Variants in ELP4 observed in about 807,000 individuals in gnomAD.
ELP4 encodes the protein elongator acetyltransferase complex subunit 4.
Under a neutral mutation model 48.9 loss-of-function variants are expected in ELP4, and 51 were observed. The observed-to-expected ratio is 1.04, with a 90% CI of 0.83 to 1.32. The LOEUF (loss-of-function observed/expected upper bound fraction) is 1.32. Ranked by LOEUF, ELP4 falls within the 40% of genes most tolerant of loss-of-function variation. The pLI, the probability that ELP4 is intolerant of heterozygous loss-of-function variation, is 0.00. For missense variants in ELP4, 519 were observed against 514.6 expected, an observed-to-expected ratio of 1.01 and a Z score of -0.08; for synonymous variants, 210 against 189.2, an observed-to-expected ratio of 1.11 and a Z score of -0.90.
intron 3 of ELP4, among the ~76,000 whole-genome samples, chr11:31,583,373 G>C (rs1236815738): frequency 6.6e-6 from 1 of 152,100 alleles, no homozygotes; most frequent in Admixed American, 6.5e-5. Flanking sequence ...GTTTGTTGTA[G>C]CATTTTTGGA....
At chr11:31,523,570 C>A (rs1380797658) in intron 2 of ELP4, among the ~76,000 whole-genome samples, 2 of 151,950 alleles carry the variant, frequency 1.3e-5, no homozygotes, top group East Asian at 3.9e-4. Context: ...GCCAGAAAAA[C>A]CTAAAATAAG....
rs573764649 is a variant in ELP4, at chr11:31,546,336, G to T, written c.381+6553G>T. On this transcript the variant is annotated intron_variant, in intron 3 of 9. Coordinates refer to ENST00000640961, the MANE Select transcript of ELP4 (RefSeq NM_019040.5). Reference sequence around the variant, plus strand: ...CAAAAAAAGGCAGGGGTTGCAATCCGAGTCTCTGATAAAACAGACTTTAAA... The same window carrying T: ...CAAAAAAAGGCAGGGGTTGCAATCCTAGTCTCTGATAAAACAGACTTTAAA... 2.4e-3 allele frequency among the ~76,000 whole-genome samples: 372 copies of T among 152,070 alleles called. 3 individuals carry two copies. The highest frequency in any genetic ancestry group is 7.4e-3 in the African/African-American group (307 of 41,490).
intron 7 of ELP4, among the ~76,000 whole-genome samples, chr11:31,644,896 ATT>A (rs1945170824): frequency 6.6e-6 from 1 of 151,772 alleles, no homozygotes; most frequent in African/African-American, 2.4e-5. Context: ...AAAAATAAAC[ATT>A]TTCTCAGTCA....
intron 9 of ELP4, among the ~76,000 whole-genome samples, chr11:31,679,669 C>T (rs889972813): frequency 6.6e-6 from 1 of 152,142 alleles, no homozygotes; most frequent in Admixed American, 6.5e-5. Context: ...TGCGTAAGGG[C>T]TTTACCATAT....
intron 9 of ELP4, among the ~76,000 whole-genome samples, chr11:31,658,442 G>C (rs1420273235): frequency 6.6e-6 from 1 of 150,980 alleles, no homozygotes; most frequent in African/African-American, 2.4e-5. Context: ...TAGTAATATG[G>C]TAGGTTTTTA....
chr11:31,681,930 G>T, intron 9 of ELP4: 1 of 407,106 alleles, frequency 2.5e-6, no homozygotes, highest in Non-Finnish European at 4.3e-6. Context: ...TAGTAGAGAT[G>T]GGGTTCCACC....
chr11:31,546,658 C>T (rs1956725875), intron 3 of ELP4, among the ~76,000 whole-genome samples: 1 of 152,112 alleles, frequency 6.6e-6, no homozygotes, highest in South Asian at 2.1e-4. Context: ...ACAGAACTCT[C>T]CACCCCAAAT....
chr11:31,600,164 A>G (rs1445316680), intron 4 of ELP4: 1 of 152,158 alleles, frequency 6.6e-6, no homozygotes, highest in Non-Finnish European at 1.5e-5. Context: ...AAAGCATAAA[A>G]CAGTGCTTCA....
chr11:31,545,018 A>G (rs577390660), intron 3 of ELP4, among the ~76,000 whole-genome samples: 17 of 152,268 alleles, frequency 1.1e-4, no homozygotes, highest in African/African-American at 3.9e-4. Context: ...ACAATCATCA[A>G]AGACCAAAAG....
At chr11:31,610,966 T>A (rs1371989359) in intron 5 of ELP4, among the ~76,000 whole-genome samples, 1 of 152,228 alleles carries the variant, frequency 6.6e-6, no homozygotes, top group Admixed American at 6.5e-5. Flanking sequence ...TCTATTAGCA[T>A]GTCCTGTCAA....
At position 31,786,264 on chromosome 11, in the gene ELP4, G is replaced by A. The variant is rs149777109; in HGVS notation, c.*2740G>A. The stretch of plus-strand genomic sequence containing the variant: ...ATAGGCATACAAAAGGAGAGTGGGG[G>A]GACCCCCCTATTCATTTGTTTAAGC... On this transcript the variant is annotated 3_prime_UTR_variant, in exon 10 of 10. Coordinates refer to ENST00000640961, the MANE Select transcript of ELP4 (RefSeq NM_019040.5). The A allele has an allele frequency of 3.6e-3, 762 of 209,994 alleles. 4 individuals are homozygous for A. Among genetic ancestry groups the A allele is most frequent in the Non-Finnish European group, 5.4e-3 (561 of 103,224 alleles). The allele number at this position is 209,994 out of a possible 1,614,324, so 13.0% of individuals were successfully genotyped here.
chr11:31,771,841 T>A (rs954200077), intron 9 of ELP4, among the ~76,000 whole-genome samples: 10 of 152,032 alleles, frequency 6.6e-5, no homozygotes, highest in Admixed American at 5.9e-4. Flanking sequence ...TAGCCGGGCG[T>A]GGTGGCGGCA....
chr11:31,677,309 G>A (rs1037932904), intron 9 of ELP4, among the ~76,000 whole-genome samples: 3 of 152,164 alleles, frequency 2.0e-5, no homozygotes, highest in African/African-American at 7.2e-5. Context: ...CAAGGTCCAG[G>A]GTGGGTGAGA....
chr11:31,649,002 A>T (rs1397867860), intron 8 of ELP4: 1 of 151,726 alleles, frequency 6.6e-6, no homozygotes, highest in Non-Finnish European at 1.5e-5. Flanking sequence ...TAATAAATAT[A>T]TTTTACTAAA....
chr11:31,718,902 T>C (rs751473448), intron 9 of ELP4, among the ~76,000 whole-genome samples: 1 of 152,146 alleles, frequency 6.6e-6, no homozygotes, highest in Admixed American at 6.6e-5. Flanking sequence ...GACACTTAAT[T>C]GTGGAGGAGC....
intron 4 of ELP4, among the ~76,000 whole-genome samples, chr11:31,595,766 C>T (rs1435499690): frequency 1.3e-5 from 2 of 152,094 alleles, no homozygotes; most frequent in African/African-American, 2.4e-5. Context: ...TCTGGGTAGC[C>T]GCTACCACTA....
At chr11:31,549,834 G>A (rs934948696) in intron 3 of ELP4, among the ~76,000 whole-genome samples, 6 of 152,174 alleles carry the variant, frequency 3.9e-5, no homozygotes, top group African/African-American at 1.4e-4. Flanking sequence ...CATGTCCTTT[G>A]TAGGGACATG....
At chr11:31,755,757 G>A (rs1255262291) in intron 9 of ELP4, among the ~76,000 whole-genome samples, 4 of 150,024 alleles carry the variant, frequency 2.7e-5, no homozygotes, top group South Asian at 2.1e-4. Flanking sequence ...AAGAATATTA[G>A]TGGACCTGGA....
rs181777521 is a variant in ELP4, at chr11:31,762,810, A to G, written c.1144-20583A>G. On this transcript the variant is annotated intron_variant, in intron 9 of 9. Coordinates refer to ENST00000640961, the MANE Select transcript of ELP4 (RefSeq NM_019040.5). ...TAAACAGCTATTTAGCTCTAAAAGT[A>G]CTTCAGATAAGTGTGCTTATTGGAA... Among the ~76,000 whole-genome samples, 12 of 151,768 alleles carry G rather than the reference A, an allele frequency of 7.9e-5. No homozygotes were observed. The East Asian group carries it at 2.3e-3, about 30-fold the overall frequency.
Sources: gnomAD v4.1 joint callset for allele counts (sites outside exome capture counted in the v4.1 genomes callset) on GRCh38, gnomAD v4.1.1 for gene constraint, MANE v1.5 for transcripts, NCBI Gene and HGNC (gene_info 2026-07-23, HGNC 2026-07-21) for gene names.